PCED1B: variants seen among roughly 807,000 people sequenced by gnomAD.
PCED1B encodes PC-esterase domain containing 1B.
For missense variants in PCED1B, 573 were observed against 573.9 expected (o/e 1.00, Z 0.02); for synonymous variants, 251 against 246.1 (o/e 1.02, Z -0.19).
intron 2 of PCED1B, among the ~76,000 whole-genome samples, chr12:47,129,668 A>G (rs774242803): frequency 3.3e-5 from 5 of 152,092 alleles, no homozygotes; most frequent in Non-Finnish European, 5.9e-5. Flanking sequence ...TTATATAAAT[A>G]CCACTGGGCA....
At chr12:47,091,178 C>G (rs1170181750) in intron 1 of PCED1B, among the ~76,000 whole-genome samples, 1 of 152,106 alleles carries the variant, frequency 6.6e-6, no homozygotes, top group African/African-American at 2.4e-5. Context: ...AATTCTTATT[C>G]CTTCACGTCC....
intron 2 of PCED1B, among the ~76,000 whole-genome samples, chr12:47,214,982 G>A (rs1324154542): frequency 3.9e-5 from 6 of 152,070 alleles, no homozygotes; most frequent in Non-Finnish European, 8.8e-5. Context: ...CGCCTCCTGG[G>A]TTGAAGCGAT....
At chr12:47,213,437 C>G (rs892760591) in intron 2 of PCED1B, among the ~76,000 whole-genome samples, 8 of 152,112 alleles carry the variant, frequency 5.3e-5, no homozygotes, top group African/African-American at 1.9e-4. Flanking sequence ...TAGATTTAAA[C>G]ACATACACAC....
chr12:47,135,302 A>T (rs1001280811), intron 2 of PCED1B, among the ~76,000 whole-genome samples: 3 of 152,058 alleles, frequency 2.0e-5, no homozygotes, highest in Non-Finnish European at 4.4e-5. Context: ...TTTTATTTTT[A>T]TTTTTATTTT....
chr12:47,186,216 TAAAAAAAAAGA>T (rs1942260199), intron 2 of PCED1B, among the ~76,000 whole-genome samples: 1 of 88,162 alleles, frequency 1.1e-5, no homozygotes, highest in Admixed American at 1.0e-4. Flanking sequence ...AGACTCCGTC[TAAAAAAAAAGA>T]AAAAAAAAAA....
intron 2 of PCED1B, among the ~76,000 whole-genome samples, chr12:47,158,097 T>C (rs1443300912): frequency 6.6e-6 from 1 of 152,250 alleles, no homozygotes; most frequent in Non-Finnish European, 1.5e-5. Context: ...TTACCTGTTA[T>C]GAATTATGCT....
intron 2 of PCED1B, among the ~76,000 whole-genome samples, chr12:47,116,928 C>A (rs1939445551): frequency 6.6e-6 from 1 of 152,154 alleles, no homozygotes; most frequent in Admixed American, 6.5e-5. Flanking sequence ...CAAATAGGTA[C>A]AGCCATTGTC....
chr12:47,110,378 C>T (rs17820173), intron 2 of PCED1B, among the ~76,000 whole-genome samples: 5,897 of 45,972 alleles, frequency 0.13, 177 homozygotes, highest in Non-Finnish European at 0.21. Context: ...ATAATTTTTA[C>T]GCAATCCATA....
chr12:47,139,369 C>T (rs1940504752), intron 2 of PCED1B, among the ~76,000 whole-genome samples: 1 of 149,176 alleles, frequency 6.7e-6, no homozygotes, highest in African/African-American at 2.4e-5. Flanking sequence ...TGGGTGCTAT[C>T]CTGCACTGGG....
At chr12:47,157,057 T>C (rs1249617608) in intron 2 of PCED1B, among the ~76,000 whole-genome samples, 1 of 152,146 alleles carries the variant, frequency 6.6e-6, no homozygotes, top group South Asian at 2.1e-4. Flanking sequence ...ACAGAGACCA[T>C]GTCTTTTATT....
intron 2 of PCED1B, among the ~76,000 whole-genome samples, chr12:47,126,726 T>C (rs2137331740): frequency 6.6e-6 from 1 of 152,308 alleles, no homozygotes; most frequent in African/African-American, 2.4e-5. Context: ...TTAGCTTTCA[T>C]AGTCTGTGTC....
intron 3 of PCED1B, among the ~76,000 whole-genome samples, chr12:47,230,045 A>G (rs1302648013): frequency 1.4e-5 from 2 of 144,262 alleles, no homozygotes; most frequent in African/African-American, 5.2e-5. Flanking sequence ...AAGTGCTGGG[A>G]TTACAGGCGT....
At chr12:47,191,815 TTTTTTA>T (rs1466449837) in intron 2 of PCED1B, among the ~76,000 whole-genome samples, 5 of 151,956 alleles carry the variant, frequency 3.3e-5, no homozygotes, top group African/African-American at 1.2e-4. Flanking sequence ...TTGTGCTTTT[TTTTTTA>T]AGGACCTGGT....
chr12:47,123,385 T>G (rs1328548152), intron 2 of PCED1B, among the ~76,000 whole-genome samples: 9 of 152,152 alleles, frequency 5.9e-5, no homozygotes, highest in Admixed American at 3.9e-4. Flanking sequence ...CAAGCATAGT[T>G]GTATTTTATC....
At chr12:47,203,182 C>G (rs1412830406) in intron 2 of PCED1B, among the ~76,000 whole-genome samples, 1 of 152,102 alleles carries the variant, frequency 6.6e-6, no homozygotes, top group Non-Finnish European at 1.5e-5. Context: ...GTTGGCCAGG[C>G]TGGTCTCAAA....
rs988446943 is a variant in PCED1B at position 47,236,478 on chromosome 12, C to T, written c.*116C>T. 9 of 1,062,846 alleles carry T rather than the reference C, an allele frequency of 8.5e-6. No homozygotes were observed. In the African/African-American group the frequency reaches 1.3e-4, roughly 15 times the overall value. 65.8% of individuals were successfully genotyped at this position (1,062,846 alleles called of 1,614,324 possible). A position where few individuals can be genotyped will look rare whatever the true frequency, so the allele number is the denominator to read the frequency against. On this transcript the variant is annotated 3_prime_UTR_variant, in exon 4 of 4. Coordinates refer to ENST00000546455, the MANE Select transcript of PCED1B (RefSeq NM_138371.3). ...GTTAACTTAAGCCTGGAGTCCATGC[C>T]TCGTCTTCCTTTTGTTCATTGCTGT...
At chr12:47,194,480 G>T (rs1014825255) in intron 2 of PCED1B, among the ~76,000 whole-genome samples, 1 of 152,098 alleles carries the variant, frequency 6.6e-6, no homozygotes, top group Non-Finnish European at 1.5e-5. Context: ...GCTGGGATGG[G>T]TCTCTTTACA....
chr12:47,132,238 T>C (rs552168734), intron 2 of PCED1B, among the ~76,000 whole-genome samples: 23 of 152,288 alleles, frequency 1.5e-4, no homozygotes, highest in African/African-American at 5.3e-4. Flanking sequence ...AGATAGAGCT[T>C]TGATTTACTG....
intron 2 of PCED1B, among the ~76,000 whole-genome samples, chr12:47,165,469 T>C (rs1941515326): frequency 6.6e-6 from 1 of 152,246 alleles, no homozygotes; most frequent in Admixed American, 6.5e-5. Flanking sequence ...TGAGAGCTAA[T>C]TTGGCACATA....
Sources: allele counts gnomAD v4.1 joint callset (sites outside exome capture counted in the v4.1 genomes callset), GRCh38; gene constraint gnomAD v4.1.1; transcripts MANE v1.5; gene names NCBI Gene and HGNC (gene_info 2026-07-23, HGNC 2026-07-21).